The following ADGRA3 variants were observed in gnomAD, a reference collection of about 807,000 sequenced individuals.
ADGRA3 encodes adhesion G protein-coupled receptor A3, also known as G-protein coupled receptor 125.
A neutral mutation model predicts 119.8 loss-of-function variants in ADGRA3; 56 were observed. That is an observed-to-expected ratio of 0.47 (90% CI 0.38 to 0.58). The LOEUF is 0.58. Ranked by LOEUF, ADGRA3 falls within the 20% of genes least tolerant of loss-of-function variation. ADGRA3 has a pLI of 0.00. For synonymous variants in ADGRA3, 607 were observed against 623.8 expected, an observed-to-expected ratio of 0.97 and a Z score of 0.40; for missense variants, 1,516 against 1,649.0, an observed-to-expected ratio of 0.92 and a Z score of 1.40.
At chr4:22,487,731 T>C (rs1418684720) in intron 1 of ADGRA3, among the ~76,000 whole-genome samples, 1 of 152,182 alleles carries the variant, frequency 6.6e-6, no homozygotes, top group Non-Finnish European at 1.5e-5. Context: ...TTTGGCCAAA[T>C]GCATTCGGCA....
chr4:22,425,879 C>T (rs995567418), intron 10 of ADGRA3, among the ~76,000 whole-genome samples: 1 of 152,160 alleles, frequency 6.6e-6, no homozygotes, highest in Non-Finnish European at 1.5e-5. Flanking sequence ...GTGAAGCAAC[C>T]ACAGTAAATA....
Position 22,445,029 on chromosome 4 carries a change from G to A in ADGRA3, c.650C>T (p.Pro217Leu), listed in dbSNP as rs907724711. The A allele has an allele frequency of 1.9e-6, 3 of 1,613,742 alleles. No homozygotes were observed. Among genetic ancestry groups the A allele is most frequent in the Non-Finnish European group, 2.5e-6 (3 of 1,179,930 alleles). The stretch of plus-strand genomic sequence containing the variant: ...GACTGGTTGGGCCTGCAGTGACTTA[G>A]GATAAACACACCTGGTATCCCGTAC... ...ITVRDTRCVY[P>L]KSLQAQPVTG... The change falls in exon 6 of 19, where the codon CCT (proline) becomes CTT (leucine). Residue 217 changes from proline to leucine, a missense_variant. Physicochemically the swap from Pro to Leu is moderately conservative, Grantham distance 98. Around this residue, in one of 2 missense-constraint regions of ADGRA3, gnomAD observed 428 missense variants for 541.9 expected, o/e 0.79. Coordinates refer to ENST00000334304, the MANE Select transcript of ADGRA3 (RefSeq NM_145290.4).
chr4:22,497,091 TAGAG>T (rs1397081353), intron 1 of ADGRA3, among the ~76,000 whole-genome samples: 2 of 152,102 alleles, frequency 1.3e-5, no homozygotes, highest in Non-Finnish European at 2.9e-5. Context: ...CCTGCCCACT[TAGAG>T]AGAGTTAGGT....
intron 1 of ADGRA3, among the ~76,000 whole-genome samples, chr4:22,480,398 CATGGTAGCTTAACTCCCGT>C (rs1212951550): frequency 1.3e-5 from 2 of 152,056 alleles, no homozygotes; most frequent in Non-Finnish European, 2.9e-5. Context: ...ATCAGCTGGG[CATGGTAGCTTAACTCCCGT>C]AGTCCCAGCT....
intron 1 of ADGRA3, among the ~76,000 whole-genome samples, chr4:22,512,196 C>T (rs1293109380): frequency 2.0e-5 from 3 of 152,052 alleles, no homozygotes; most frequent in Admixed American, 1.3e-4. Context: ...CCACTGCGCC[C>T]GCCCCACAGT....
intron 1 of ADGRA3, among the ~76,000 whole-genome samples, chr4:22,491,010 G>C (rs1718603928): frequency 6.6e-6 from 1 of 152,136 alleles, no homozygotes; most frequent in African/African-American, 2.4e-5. Context: ...GGGAGGGAGG[G>C]AGAAGGCAAA....
chr4:22,515,778 G>A lies in ADGRA3; in HGVS notation c.7C>T (p.Pro3Ser). The change falls in exon 1 of 19, where the codon CCA (proline) becomes TCA (serine). Residue 3 changes from proline (P) to serine (S), a missense_variant. By Grantham distance (74) the Pro-to-Ser change is moderately conservative. This residue lies in a region of ADGRA3 where 428 missense variants were observed against 541.9 expected (regional missense o/e 0.79). Coordinates refer to ENST00000334304, the MANE Select transcript of ADGRA3 (RefSeq NM_145290.4). ME[P>S]PGRRRGRAQP... ...GCGCGGCCCCGCCGGCGTCCGGGTG[G>A]CTCCATGCTGCGGGCCGGGGCCTGC... 2.0e-6 allele frequency: 2 copies of A among 1,009,770 alleles called. No homozygotes were observed. The highest frequency in any genetic ancestry group is 2.4e-6 in the Non-Finnish European group (2 of 850,576). The allele number at this position is 1,009,770 out of a possible 1,614,324, so 62.6% of individuals were successfully genotyped here. A position where few individuals can be genotyped will look rare whatever the true frequency, so the allele number is the denominator to read the frequency against.
chr4:22,475,154 T>G (rs1245957094), intron 1 of ADGRA3, among the ~76,000 whole-genome samples: 1 of 152,178 alleles, frequency 6.6e-6, no homozygotes, highest in Admixed American at 6.5e-5. Context: ...CCTTTCAAGT[T>G]ATGTTGACTT....
At chr4:22,468,075 C>T (rs78791710) in intron 2 of ADGRA3, among the ~76,000 whole-genome samples, 147 of 152,286 alleles carry the variant, frequency 9.7e-4, no homozygotes, top group East Asian at 3.3e-3. Context: ...GTTGGTTCCA[C>T]GCATCTCTCA....
intron 10 of ADGRA3, among the ~76,000 whole-genome samples, chr4:22,427,174 TA>T (rs911018427): frequency 2.6e-5 from 4 of 152,206 alleles, no homozygotes; most frequent in African/African-American, 7.2e-5. Flanking sequence ...AAAATATTAA[TA>T]AAATTCCCAC....
At chr4:22,496,837 G>GC (rs1227524980) in intron 1 of ADGRA3, among the ~76,000 whole-genome samples, 1 of 152,132 alleles carries the variant, frequency 6.6e-6, no homozygotes, top group Admixed American at 6.6e-5. Context: ...GGCTTCCGGG[G>GC]CCACTGGCAA....
chr4:22,400,561 G>C (rs560925888), intron 16 of ADGRA3, among the ~76,000 whole-genome samples: 87 of 152,210 alleles, frequency 5.7e-4, no homozygotes, highest in Non-Finnish European at 9.9e-4. Flanking sequence ...AGGGGTCGTT[G>C]TTCAATGCAT....
chr4:22,435,703 T>C (rs933309975), intron 9 of ADGRA3, among the ~76,000 whole-genome samples: 17 of 152,166 alleles, frequency 1.1e-4, no homozygotes, highest in African/African-American at 4.1e-4. Context: ...TAAAAATACA[T>C]GAGGTTAACA....
intron 14 of ADGRA3, among the ~76,000 whole-genome samples, chr4:22,409,997 A>C (rs1715126709): frequency 1.3e-5 from 2 of 152,334 alleles, no homozygotes; most frequent in South Asian, 4.1e-4. Context: ...TTTAAACAAA[A>C]ACATCACTAG....
At chr4:22,488,418 T>C (rs1718510233) in intron 1 of ADGRA3, among the ~76,000 whole-genome samples, 2 of 151,830 alleles carry the variant, frequency 1.3e-5, no homozygotes, top group South Asian at 4.2e-4. Flanking sequence ...TCTTAGGCTG[T>C]GGAGATCTGA....
chr4:22,437,778 G>A (rs539311389), intron 8 of ADGRA3, among the ~76,000 whole-genome samples: 2 of 152,096 alleles, frequency 1.3e-5, no homozygotes, highest in Non-Finnish European at 2.9e-5. Context: ...TTGATTTCCA[G>A]AAGAACTGAA....
intron 2 of ADGRA3, among the ~76,000 whole-genome samples, chr4:22,470,897 A>G (rs10938900): frequency 0.98 from 149,793 of 152,270 alleles, 73,723 homozygotes; most frequent in Middle Eastern, 1. Flanking sequence ...CAGTGGAGAA[A>G]GCACCTCAGG....
intron 1 of ADGRA3, among the ~76,000 whole-genome samples, chr4:22,475,705 C>A (rs566209672): frequency 1.3e-5 from 2 of 148,884 alleles, no homozygotes; most frequent in East Asian, 2.0e-4. Context: ...CCAGCCTGGG[C>A]AACAGAGCGA....
chr4:22,465,915 T>C (rs1170378682), intron 2 of ADGRA3, among the ~76,000 whole-genome samples: 1 of 152,180 alleles, frequency 6.6e-6, no homozygotes, highest in Admixed American at 6.5e-5. Flanking sequence ...AACTAAGTTA[T>C]TTTATGTGGT....
Sources: allele counts gnomAD v4.1 joint callset (sites outside exome capture counted in the v4.1 genomes callset), GRCh38; gene constraint gnomAD v4.1.1; regional missense constraint gnomAD v4.1.1; transcripts MANE v1.5; gene names NCBI Gene and HGNC (gene_info 2026-07-23, HGNC 2026-07-21).